Variants in FCSK observed in about 807,000 individuals in gnomAD.
FCSK encodes L-fucose kinase.
In FCSK, 123 loss-of-function variants were observed where a neutral mutation model predicts 122.5. The observed-to-expected ratio is 1.00, with a 90% CI of 0.87 to 1.17. The LOEUF is 1.17. Ranked by LOEUF, FCSK falls within the 50% of genes most tolerant of loss-of-function variation. The probability of loss-of-function intolerance (pLI) is 0.00; values close to 1 mark genes in which losing one functional copy is unlikely to be tolerated. For missense variants in FCSK, 1,366 were observed against 1,450.4 expected, an observed-to-expected ratio of 0.94 and a Z score of 0.95; for synonymous variants, 620 against 625.5, an observed-to-expected ratio of 0.99 and a Z score of 0.13.
intron 22 of FCSK, 119 bp from the exon 23 acceptor site, chr16:70,479,061 G>A (rs2048913130): frequency 2.5e-6 from 2 of 803,492 alleles, no homozygotes; most frequent in Non-Finnish European, 4.0e-6. Flanking sequence ...GCCGGCACTG[G>A]AATCCGGCTT....
At position 70,475,375 on chromosome 16, in the gene FCSK, C is replaced by T. The variant is rs2048773743; in HGVS notation, c.2403C>T (p.Ile801=). The change falls in exon 19 of 24, where the codon ATC becomes ATT. Residue 801 remains isoleucine, a synonymous_variant. Coordinates refer to ENST00000288078, the MANE Select transcript of FCSK (RefSeq NM_145059.3). Reference sequence around the variant, plus strand: ...GGGCCCTGCTGAAGGCGGCCTTCATCTGTGCAGGGATCGTGCATGTCCACT... The same window carrying T: ...GGGCCCTGCTGAAGGCGGCCTTCATTTGTGCAGGGATCGTGCATGTCCACT... ...APGALLKAAF[I]CAGIVHVHSE... 6.2e-7 allele frequency: 1 copy of T among 1,610,812 alleles called. No homozygotes were observed. The highest frequency in any genetic ancestry group is 1.1e-5 in the South Asian group (1 of 91,086).
chr16:70,460,852 G>A (rs540391713), intron 1 of FCSK, among the ~76,000 whole-genome samples: 32 of 152,358 alleles, frequency 2.1e-4, no homozygotes, highest in Non-Finnish European at 3.8e-4. Flanking sequence ...GATTCAGATC[G>A]TAGCAGCTGG....
At chr16:70,458,252 C>T (rs1301253373) in intron 1 of FCSK, among the ~76,000 whole-genome samples, 2 of 151,264 alleles carry the variant, frequency 1.3e-5, no homozygotes, top group East Asian at 1.9e-4. Flanking sequence ...CACCGCTTCC[C>T]AGGTTCAAGC....
Position 70,473,128 on chromosome 16 carries a change from G to C in FCSK, c.1552G>C (p.Ala518Pro). 1 of 1,571,922 alleles carries C rather than the reference G, an allele frequency of 6.4e-7. No homozygotes were observed. The highest frequency in any genetic ancestry group is 8.6e-7 in the Non-Finnish European group (1 of 1,160,568). ...GGACCACCAGGAGGATGGGGGCGAGGCCCTGCGAGCCTGGCGGGCCTCCTG... is the reference window on the plus strand; with the variant it reads ...GGACCACCAGGAGGATGGGGGCGAGCCCCTGCGAGCCTGGCGGGCCTCCTG... ...MLDHQEDGGEALRAWRASWRL... is the reference protein window; with the variant it reads ...MLDHQEDGGEPLRAWRASWRL... The change falls in exon 15 of 24, where the codon GCC becomes CCC. Residue 518 changes from alanine (A) to proline (P), a missense_variant. By Grantham distance (27) the Ala-to-Pro change is conservative (BLOSUM62 -1). Transcript: ENST00000288078. This position sits in a 1 kb window ranked among gnomAD's most constrained non-coding sequence, Gnocchi z 4.9.
intron 1 of FCSK, among the ~76,000 whole-genome samples, chr16:70,457,727 C>G (rs552630190): frequency 4.0e-5 from 6 of 151,714 alleles, no homozygotes; most frequent in African/African-American, 1.5e-4. Context: ...GGCACATTCA[C>G]TGTGCCTGGC....
rs1230497232 is a variant in FCSK, at chr16:70,467,436, G to A, written c.547G>A (p.Ala183Thr). 9 of 1,609,514 alleles carry A rather than the reference G, an allele frequency of 5.6e-6. No individual in the cohort carries two copies. In the Admixed American group the frequency reaches 6.7e-5, roughly 12 times the overall value. Residue 183 changes from alanine (A) to threonine (T), a missense_variant, in exon 7 of 24, where the codon GCT (alanine) becomes ACT (threonine). Transcript: ENST00000288078. The part of the protein sequence containing the change: ...VIALPGSPAY[A>T]QNHGVYLTDP... Reference sequence around the variant, plus strand: ...CGCCCTCCCAGGGAGCCCGGCCTACGCTCAGAATCATGGCGTCTACCTAAC... The same window carrying A: ...CGCCCTCCCAGGGAGCCCGGCCTACACTCAGAATCATGGCGTCTACCTAAC...
intron 13 of FCSK, 96 bp downstream of exon 13, chr16:70,471,448 C>T: frequency 4.7e-6 from 6 of 1,288,386 alleles, no homozygotes; most frequent in Non-Finnish European, 6.3e-6. Flanking sequence ...TCTCTGAGCA[C>T]TGGCCCGTGG....
chr16:70,467,181 A>G (rs972443947), intron 6 of FCSK, 193 bp from the exon 7 acceptor site: 21 of 624,782 alleles, frequency 3.4e-5, no homozygotes, highest in Non-Finnish European at 5.1e-5. Context: ...TCTGTCCCAC[A>G]GGGCTCTGCG....
intron 1 of FCSK, among the ~76,000 whole-genome samples, chr16:70,455,930 C>G (rs1160605617): frequency 6.6e-6 from 1 of 151,154 alleles, no homozygotes; most frequent in Non-Finnish European, 1.5e-5. Context: ...CACCTGTAAT[C>G]CCAACACTTA....
Position 70,459,903 on chromosome 16 carries a change from G to C in FCSK, c.-22-3266G>C, listed in dbSNP as rs567780887. On this transcript the variant is annotated intron_variant, in intron 1 of 23. Coordinates refer to ENST00000288078, the MANE Select transcript of FCSK (RefSeq NM_145059.3). ...TGCAATCTCTGTCTCCCAGGTTGAAGTGATTCTCCTGTCTCAGCCTCCCAA... is the reference window on the plus strand; with the variant it reads ...TGCAATCTCTGTCTCCCAGGTTGAACTGATTCTCCTGTCTCAGCCTCCCAA... 2.0e-5 allele frequency among the ~76,000 whole-genome samples: 3 copies of C among 151,382 alleles called. No homozygotes were observed. The East Asian group carries it at 5.9e-4, about 30-fold the overall frequency.
chr16:70,469,228 C>G lies in FCSK; in HGVS notation c.860C>G (p.Pro287Arg). The G allele has an allele frequency of 6.2e-7, 1 of 1,614,056 alleles. No individual in the cohort carries two copies. The highest frequency in any genetic ancestry group is 8.5e-7 in the Non-Finnish European group (1 of 1,179,984). ...TREDFLVGRP[P>R]ELGQGDADVA... ...GAGGACTTCCTGGTGGGGAGGCCCC[C>G]AGAGTTGGGGCAAGGCGATGCAGAT... Residue 287 changes from proline (P) to arginine (R), a missense_variant, in exon 10 of 24, where the codon CCA becomes CGA. Transcript: ENST00000288078.
At position 70,466,358 on chromosome 16, in the gene FCSK, G is replaced by A. The variant is rs539251813; in HGVS notation, c.411+101G>A. 98 of 1,466,020 alleles carry A rather than the reference G, an allele frequency of 6.7e-5. No individual in the cohort carries two copies. In the South Asian group the frequency reaches 1.2e-3, roughly 18 times the overall value. The allele number at this position is 1,466,020 out of a possible 1,614,324, so 90.8% of individuals were successfully genotyped here. Reference sequence around the variant, plus strand: ...TCTATGCTGGCTCAGCTGGGAGAAGGAATGGTTTTGAGGGTGCCTAATGTT... The same window carrying A: ...TCTATGCTGGCTCAGCTGGGAGAAGAAATGGTTTTGAGGGTGCCTAATGTT... On this transcript the variant is annotated intron_variant, in intron 5 of 23. Coordinates refer to ENST00000288078, the MANE Select transcript of FCSK (RefSeq NM_145059.3).
chr16:70,470,008 C>CTAAT (rs1456414312), intron 10 of FCSK, among the ~76,000 whole-genome samples: 1 of 151,946 alleles, frequency 6.6e-6, no homozygotes, highest in African/African-American at 2.4e-5. Context: ...CCATGCCTGG[C>CTAAT]TAATTTTTGT....
Position 70,473,064 on chromosome 16 carries a change from C to A in FCSK, c.1488C>A (p.Pro496=), listed in dbSNP as rs995480601. The part of the protein sequence containing the change: ...PSARLFPVLH[P]SRELGPQDLL... ...CCCGCCTCTTTCCTGTGCTCCACCCCTCGAGGGAGCTGGGACCCCAGGACC... is the reference window on the plus strand; with the variant it reads ...CCCGCCTCTTTCCTGTGCTCCACCCATCGAGGGAGCTGGGACCCCAGGACC... Residue 496 remains proline (P), a synonymous_variant, in exon 15 of 24, where the codon CCC becomes CCA. Coordinates refer to ENST00000288078, the MANE Select transcript of FCSK (RefSeq NM_145059.3). The surrounding 1 kb of genome is among the most constrained non-coding windows in gnomAD (Gnocchi z 4.9). 3.1e-6 allele frequency: 5 copies of A among 1,589,460 alleles called. No individual in the cohort carries two copies. Among genetic ancestry groups the A allele is most frequent in the East Asian group, 4.6e-5 (2 of 43,420 alleles).
chr16:70,463,076 A>G (rs186111502), intron 1 of FCSK, 93 bp from the exon 2 acceptor site: 74 of 766,150 alleles, frequency 9.7e-5, no homozygotes, highest in Admixed American at 5.9e-4. Flanking sequence ...GAATCTATAC[A>G]CATGTTAAAA....
chr16:70,471,129 T>TG (rs1301179187), intron 12 of FCSK, 53 bp from the exon 13 acceptor site: 89 of 1,589,850 alleles, frequency 5.6e-5, no homozygotes, highest in Non-Finnish European at 6.8e-5. Flanking sequence ...CCGCATGTGT[T>TG]GGGGGGTGTT....
intron 3 of FCSK, among the ~76,000 whole-genome samples, chr16:70,464,464 C>T (rs2048356783): frequency 6.6e-6 from 1 of 152,044 alleles, no homozygotes; most frequent in South Asian, 2.1e-4. Context: ...CCAGCCTGAC[C>T]AACGTGATGA....
Position 70,479,250 on chromosome 16 carries a change from T to C in FCSK, c.3000T>C (p.Cys1000=). The change falls in exon 23 of 24, where the codon TGT becomes TGC. Residue 1000 remains cysteine (C), a synonymous_variant. Transcript: ENST00000288078. The part of the protein sequence containing the change: ...WEQKKLMAPG[C]EPLTVRRMMD... ...AGAAGAAGCTCATGGCTCCAGGCTGTGAGCCCCTGACTGTGCGGCGTATGA... is the reference window on the plus strand; with the variant it reads ...AGAAGAAGCTCATGGCTCCAGGCTGCGAGCCCCTGACTGTGCGGCGTATGA... The C allele has an allele frequency of 6.2e-7, 1 of 1,613,904 alleles. No homozygotes were observed. The highest frequency in any genetic ancestry group is 8.5e-7 in the Non-Finnish European group (1 of 1,180,020).
intron 10 of FCSK, among the ~76,000 whole-genome samples, chr16:70,469,803 G>T (rs982497931): frequency 1.3e-5 from 2 of 151,452 alleles, no homozygotes; most frequent in African/African-American, 4.9e-5. Context: ...GAAGTGCTGG[G>T]CTTACAGGCA....
Sources: allele counts gnomAD v4.1 joint callset (sites outside exome capture counted in the v4.1 genomes callset), GRCh38; gene constraint gnomAD v4.1.1; non-coding constraint Gnocchi (gnomAD v3.1); transcripts MANE v1.5; gene names NCBI Gene and HGNC (gene_info 2026-07-23, HGNC 2026-07-21).